Variants in PALMD observed in about 807,000 individuals in gnomAD.
PALMD encodes the protein paralemmin-like protein.
PALMD carries 42 observed loss-of-function variants against 56.2 expected under a neutral mutation model. The ratio of observed to expected loss-of-function variants is 0.75; its 90% CI spans 0.58 to 0.97. PALMD has a LOEUF of 0.97. PALMD is among the 50% of genes least tolerant of loss of function. PALMD has a pLI of 0.00. For synonymous variants in PALMD, 242 were observed against 222.9 expected, an observed-to-expected ratio of 1.09 and a Z score of -0.76; for missense variants, 660 against 643.8, an observed-to-expected ratio of 1.03 and a Z score of -0.27.
intron 2 of PALMD, among the ~76,000 whole-genome samples, chr1:99,665,045 G>T (rs1218573886): frequency 6.6e-6 from 1 of 151,732 alleles, no homozygotes; most frequent in Non-Finnish European, 1.5e-5. Flanking sequence ...TTTTCTGTAT[G>T]GATCTTCTTG....
At chr1:99,661,794 A>G (rs1652851765) in intron 1 of PALMD, among the ~76,000 whole-genome samples, 1 of 152,230 alleles carries the variant, frequency 6.6e-6, no homozygotes, top group Non-Finnish European at 1.5e-5. Flanking sequence ...AAGAAGCACT[A>G]TCTAAACTAT....
At chr1:99,670,354 C>A (rs114216632) in intron 3 of PALMD, among the ~76,000 whole-genome samples, 1,595 of 152,240 alleles carry the variant, frequency 0.01, 28 homozygotes, top group African/African-American at 0.037. Context: ...GTATAATTTA[C>A]AAAGCACTTG....
intron 3 of PALMD, among the ~76,000 whole-genome samples, chr1:99,672,957 G>T (rs988000884): frequency 2.0e-5 from 3 of 152,020 alleles, no homozygotes; most frequent in Non-Finnish European, 4.4e-5. Context: ...TTCCACAGAT[G>T]ATACAAATGG....
intron 3 of PALMD, among the ~76,000 whole-genome samples, chr1:99,675,595 C>A (rs1571069384): frequency 6.6e-6 from 1 of 152,180 alleles, no homozygotes; most frequent in East Asian, 1.9e-4. Context: ...AAAACACACA[C>A]ACCTAGTTTC....
At position 99,666,399 on chromosome 1, in the gene PALMD, T is replaced by G. The variant is rs778542975; in HGVS notation, c.127-1243T>G. ...GGTATCAGTAAAAAATAATCATCCT[T>G]TGGCAATTATCTATCACAACTAAAC... On this transcript the variant is annotated intron_variant, in intron 2 of 7. Transcript: ENST00000263174. Among the ~76,000 whole-genome samples, 5 of 151,794 alleles carry G rather than the reference T, an allele frequency of 3.3e-5. 1 individual carries two copies. Among genetic ancestry groups the G allele is most frequent in the Non-Finnish European group, 7.4e-5 (5 of 67,896 alleles).
Position 99,687,207 on chromosome 1 carries a change from G to A in PALMD, c.514+18G>A, listed in dbSNP as rs757334789. ...TAGGAAAGGTATATGAGAAATCTGT[G>A]TTGAAGGGCATGTTCTTAATTTCAG... On this transcript the variant is annotated intron_variant, in intron 6 of 7. Coordinates refer to ENST00000263174, the MANE Select transcript of PALMD (RefSeq NM_017734.5). 3 of 1,581,960 alleles carry A rather than the reference G, an allele frequency of 1.9e-6. No homozygotes were observed. The highest frequency in any genetic ancestry group is 1.9e-5 in the Admixed American group (1 of 51,960).
In PALMD at chr1:99,688,832, T is replaced by G; in HGVS notation, c.572T>G (p.Val191Gly). 7 of 1,612,106 alleles carry G rather than the reference T, an allele frequency of 4.3e-6. No individual in the cohort carries two copies. Among genetic ancestry groups the G allele is most frequent in the Non-Finnish European group, 5.9e-6 (7 of 1,178,318 alleles). Residue 191 changes from valine to glycine, a missense_variant, in exon 7 of 8, where the codon GTT becomes GGT. Coordinates refer to ENST00000263174, the MANE Select transcript of PALMD (RefSeq NM_017734.5). ...GACTTGAAGACTGGAGAAAGTACAG[T>G]TCTGTCTTCAATACCTCTGCCATCA... ...EKDLKTGEST[V>G]LSSIPLPSDD...
chr1:99,662,369 G>T lies in PALMD; in HGVS notation c.96G>T (p.Glu32Asp). Residue 32 changes from glutamate to aspartate, a missense_variant, in exon 2 of 8, where the codon GAG becomes GAT. Glu to Asp is a conservative substitution (Grantham distance 45). Coordinates refer to ENST00000263174, the MANE Select transcript of PALMD (RefSeq NM_017734.5). ...EEISQKRLKI[E>D]EDKLKHQHLK... Reference sequence around the variant, plus strand: ...TCTCACAGAAGCGTCTGAAAATAGAGGAAGACAAACTAAAGCACCAGCATT... The same window carrying T: ...TCTCACAGAAGCGTCTGAAAATAGATGAAGACAAACTAAAGCACCAGCATT... The T allele has an allele frequency of 6.3e-7, 1 of 1,575,700 alleles. No individual in the cohort carries two copies. The highest frequency in any genetic ancestry group is 8.7e-7 in the Non-Finnish European group (1 of 1,151,462).
chr1:99,678,605 G>A (rs1440439675), intron 3 of PALMD, among the ~76,000 whole-genome samples: 5 of 152,048 alleles, frequency 3.3e-5, no homozygotes, highest in Admixed American at 3.3e-4. Flanking sequence ...TGTTTCCATG[G>A]GTAGAGCTGT....
chr1:99,665,713 A>G (rs1329884796), intron 2 of PALMD, among the ~76,000 whole-genome samples: 1 of 152,252 alleles, frequency 6.6e-6, no homozygotes, highest in Non-Finnish European at 1.5e-5. Flanking sequence ...GTGGTTTGTA[A>G]GGAGTAAAAC....
intron 1 of PALMD, among the ~76,000 whole-genome samples, chr1:99,650,727 A>T (rs1231551279): frequency 6.6e-6 from 1 of 152,202 alleles, no homozygotes; most frequent in Non-Finnish European, 1.5e-5. Flanking sequence ...GCTTTGATCT[A>T]AGTGCTAGGC....
At chr1:99,667,075 G>T (rs1464133212) in intron 2 of PALMD, among the ~76,000 whole-genome samples, 1 of 152,170 alleles carries the variant, frequency 6.6e-6, no homozygotes, top group Non-Finnish European at 1.5e-5. Context: ...CTGCCACACA[G>T]CCTAAGAATA....
At chr1:99,672,776 C>T (rs536452456) in intron 3 of PALMD, among the ~76,000 whole-genome samples, 18 of 152,212 alleles carry the variant, frequency 1.2e-4, no homozygotes, top group Non-Finnish European at 2.5e-4. Flanking sequence ...AAAAGGTCAA[C>T]TGCCGAGGAG....
intron 3 of PALMD, among the ~76,000 whole-genome samples, chr1:99,682,700 AG>A (rs1197587379): frequency 6.6e-6 from 1 of 151,946 alleles, no homozygotes; most frequent in Non-Finnish European, 1.5e-5. Flanking sequence ...AGGAAAAGAA[AG>A]GGGCAGAGAC....
chr1:99,662,179 A>C (rs1652861731), intron 1 of PALMD, 140 bp from the exon 2 acceptor site: 1 of 612,284 alleles, frequency 1.6e-6, no homozygotes, highest in Admixed American at 3.4e-5. Flanking sequence ...CTTTGCTTTG[A>C]AATAGGAGTT....
chr1:99,688,771 A>T lies in PALMD; in HGVS notation c.515-4A>T, dbSNP rs1429666684. 6 of 1,560,912 alleles carry T rather than the reference A, an allele frequency of 3.8e-6. No homozygotes were observed. In the Admixed American group the frequency reaches 6.0e-5, roughly 16 times the overall value. On this transcript the variant is annotated splice_polypyrimidine_tract_variant and splice_region_variant and intron_variant, in intron 6 of 7. Coordinates refer to ENST00000263174, the MANE Select transcript of PALMD (RefSeq NM_017734.5). The stretch of plus-strand genomic sequence containing the variant: ...AATCAAAGATCAAATTTGTTTCTTA[A>T]CAGCTTTATATGCCATGGAAATTAA...
intron 7 of PALMD, 126 bp from the exon 8 acceptor site, chr1:99,693,893 T>G: frequency 1.5e-6 from 1 of 676,158 alleles, no homozygotes; most frequent in Non-Finnish European, 2.6e-6. Flanking sequence ...ACTAAATCAA[T>G]GCTCACACTG....
intron 3 of PALMD, among the ~76,000 whole-genome samples, chr1:99,673,036 T>C (rs78156113): frequency 0.011 from 1,630 of 152,220 alleles, 30 homozygotes; most frequent in African/African-American, 0.037. Context: ...AGTGGGCTGG[T>C]ACAGCAGCTA....
Position 99,667,773 on chromosome 1 carries a change from C to T in PALMD, c.251+7C>T, listed in dbSNP as rs780691195. ...TAGAACAAAGTATCCTCAGGTATGGCCCTCACTGAGATACTCCACAACTAC... is the reference window on the plus strand; with the variant it reads ...TAGAACAAAGTATCCTCAGGTATGGTCCTCACTGAGATACTCCACAACTAC... On this transcript the variant is annotated splice_region_variant and intron_variant, in intron 3 of 7. Coordinates refer to ENST00000263174, the MANE Select transcript of PALMD (RefSeq NM_017734.5). 7.4e-6 allele frequency: 12 copies of T among 1,612,056 alleles called. No homozygotes were observed. Among genetic ancestry groups the T allele is most frequent in the Middle Eastern group, 1.6e-4 (1 of 6,072 alleles).
Sources: allele counts gnomAD v4.1 joint callset (sites outside exome capture counted in the v4.1 genomes callset), GRCh38; gene constraint gnomAD v4.1.1; transcripts MANE v1.5; gene names NCBI Gene and HGNC (gene_info 2026-07-23, HGNC 2026-07-21).